Variants in MAGI2 observed in about 807,000 individuals in gnomAD.
The protein encoded by MAGI2 is membrane associated guanylate kinase, WW and PDZ domain containing 2.
MAGI2 carries 35 observed loss-of-function variants against 133.3 expected under a neutral mutation model. That is an observed-to-expected ratio of 0.26 (90% CI 0.20 to 0.35). The LOEUF is 0.35. Ranked by LOEUF, MAGI2 falls within the 10% of genes least tolerant of loss-of-function variation. The pLI is 1.00. For synonymous variants in MAGI2, 729 were observed against 710.6 expected (o/e 1.03, Z -0.41); for missense variants, 1,636 against 1,863.4 (o/e 0.88, Z 2.25).
chr7:78,660,050 C>T (rs1296794214), intron 2 of MAGI2, among the ~76,000 whole-genome samples: 2 of 150,242 alleles, frequency 1.3e-5, no homozygotes, highest in Non-Finnish European at 2.9e-5. Flanking sequence ...CATGTTCTTA[C>T]TCATAGGTGG....
chr7:78,359,766 A>G (rs1792582454), intron 7 of MAGI2, among the ~76,000 whole-genome samples: 1 of 152,242 alleles, frequency 6.6e-6, no homozygotes, highest in Non-Finnish European at 1.5e-5. Flanking sequence ...TTGATCAGCA[A>G]CTGTAATGAG....
At chr7:79,383,770 A>G (rs1843977545) in intron 1 of MAGI2, among the ~76,000 whole-genome samples, 1 of 151,546 alleles carries the variant, frequency 6.6e-6, no homozygotes, top group East Asian at 1.9e-4. Flanking sequence ...TTTGTCAGAT[A>G]GCAAAATAAT....
At chr7:79,105,589 G>A (rs1818379941) in intron 1 of MAGI2, among the ~76,000 whole-genome samples, 2 of 152,074 alleles carry the variant, frequency 1.3e-5, no homozygotes, top group African/African-American at 4.8e-5. Context: ...CATCCTACTT[G>A]CTTCTCAGCT....
At chr7:78,835,592 A>G (rs1364676437) in intron 2 of MAGI2, among the ~76,000 whole-genome samples, 1 of 152,190 alleles carries the variant, frequency 6.6e-6, no homozygotes, top group Non-Finnish European at 1.5e-5. Flanking sequence ...TAAATGTGTA[A>G]CAATGTGATC....
At chr7:78,225,606 T>C (rs1789296532) in intron 10 of MAGI2, among the ~76,000 whole-genome samples, 1 of 152,218 alleles carries the variant, frequency 6.6e-6, no homozygotes, top group African/African-American at 2.4e-5. Flanking sequence ...TTTCTGCACC[T>C]CAGAGTTTTA....
At chr7:78,494,902 G>A (rs1260892278) in intron 5 of MAGI2, among the ~76,000 whole-genome samples, 1 of 151,974 alleles carries the variant, frequency 6.6e-6, no homozygotes, top group Non-Finnish European at 1.5e-5. Context: ...CCCCGCCCCC[G>A]GGAAATACTA....
chr7:78,085,756 C>T (rs1195884512), intron 20 of MAGI2, among the ~76,000 whole-genome samples: 1 of 152,080 alleles, frequency 6.6e-6, no homozygotes, highest in Non-Finnish European at 1.5e-5. Context: ...GAAAAAGCTG[C>T]TATTGGAAGT....
Position 78,489,799 on chromosome 7 carries a change from G to T in MAGI2, c.1007C>A (p.Ala336Glu). 1 of 1,612,332 alleles carries T rather than the reference G, an allele frequency of 6.2e-7. No homozygotes were observed. Among genetic ancestry groups the T allele is most frequent in the Non-Finnish European group, 8.5e-7 (1 of 1,179,126 alleles). Residue 336 changes from alanine to glutamate, a missense_variant, in exon 6 of 22, where the codon GCG becomes GAG. Transcript: ENST00000354212. ...KTTSWLDPRL[A>E]KKAKPPEECK... The stretch of plus-strand genomic sequence containing the variant: ...CTCTTCTGGAGGTTTAGCCTTTTTC[G>T]CAAGTCGTGGATCCAGCCATGATGT...
At chr7:78,683,613 A>C (rs1815937164) in intron 2 of MAGI2, among the ~76,000 whole-genome samples, 2 of 152,186 alleles carry the variant, frequency 1.3e-5, no homozygotes, top group African/African-American at 4.8e-5. Flanking sequence ...GAAATCTTCA[A>C]GTATAGACTA....
At chr7:78,895,188 G>A (rs923640676) in intron 2 of MAGI2, among the ~76,000 whole-genome samples, 2 of 152,128 alleles carry the variant, frequency 1.3e-5, no homozygotes, top group African/African-American at 4.8e-5. Flanking sequence ...ATAAAAGCCA[G>A]GCTGGCTCTC....
intron 21 of MAGI2, among the ~76,000 whole-genome samples, chr7:78,059,811 T>C (rs1242472526): frequency 6.7e-6 from 1 of 148,648 alleles, no homozygotes; most frequent in Non-Finnish European, 1.5e-5. Context: ...CATCAAACAA[T>C]GGCTGACATA....
rs368919324 is a variant in MAGI2 at position 78,553,039 on chromosome 7, C to G, written c.539-31394G>C. Among the ~76,000 whole-genome samples, 14 of 148,784 alleles carry G rather than the reference C, an allele frequency of 9.4e-5. No individual in the cohort carries two copies. In the East Asian group the frequency reaches 1.6e-3, roughly 17 times the overall value. The stretch of plus-strand genomic sequence containing the variant: ...GAGGAAGATGAGATCGTCTTAAAAA[C>G]TGTAAGAGGCAGAGAAGGAAAATTC... On this transcript the variant is annotated intron_variant, in intron 3 of 21. Coordinates refer to ENST00000354212, the MANE Select transcript of MAGI2 (RefSeq NM_012301.4).
intron 9 of MAGI2, among the ~76,000 whole-genome samples, chr7:78,320,037 A>C (rs1393354311): frequency 6.6e-6 from 1 of 152,224 alleles, no homozygotes; most frequent in African/African-American, 2.4e-5. Flanking sequence ...GAAACGGATA[A>C]ATTCCTGGAC....
At chr7:78,177,877 A>G in intron 14 of MAGI2, 134 bp downstream of exon 14, 2 of 585,132 alleles carry the variant, frequency 3.4e-6, no homozygotes, top group South Asian at 5.3e-5. Context: ...AAGGAAAAAA[A>G]AAATCCAAAG....
chr7:79,106,732 C>T (rs1818485481), intron 1 of MAGI2, among the ~76,000 whole-genome samples: 1 of 152,118 alleles, frequency 6.6e-6, no homozygotes, highest in Admixed American at 6.6e-5. Flanking sequence ...ATAAATACAT[C>T]CCAAATAAAC....
chr7:78,471,545 A>G (rs2150425091), intron 6 of MAGI2, among the ~76,000 whole-genome samples: 1 of 152,264 alleles, frequency 6.6e-6, no homozygotes, highest in African/African-American at 2.4e-5. Flanking sequence ...ATGATTAGAC[A>G]TACTTCTATG....
intron 2 of MAGI2, among the ~76,000 whole-genome samples, chr7:78,767,664 T>C (rs1825165490): frequency 6.6e-6 from 1 of 152,196 alleles, no homozygotes; most frequent in African/African-American, 2.4e-5. Flanking sequence ...TCTCAGAAAG[T>C]TAGTAGCTTT....
chr7:78,848,060 G>A (rs1036384344), intron 2 of MAGI2, among the ~76,000 whole-genome samples: 3 of 151,842 alleles, frequency 2.0e-5, no homozygotes, highest in African/African-American at 7.3e-5. Flanking sequence ...GCTTTAAATG[G>A]AATCTGTAAC....
At chr7:79,241,046 C>A (rs1041709276) in intron 1 of MAGI2, among the ~76,000 whole-genome samples, 2 of 151,932 alleles carry the variant, frequency 1.3e-5, no homozygotes, top group African/African-American at 4.8e-5. Context: ...AGAACCATGT[C>A]AGTATCAGTT....
Sources: gnomAD v4.1 joint callset for allele counts (sites outside exome capture counted in the v4.1 genomes callset) on GRCh38, gnomAD v4.1.1 for gene constraint, MANE v1.5 for transcripts, NCBI Gene and HGNC (gene_info 2026-07-23, HGNC 2026-07-21) for gene names.